The following SESN3 variants were observed in gnomAD, a reference collection of about 807,000 sequenced individuals.
The protein encoded by SESN3 is sestrin-3.
Under a neutral mutation model 55.3 loss-of-function variants are expected in SESN3, and 21 were observed. The observed-to-expected ratio is 0.38, with a 90% CI of 0.27 to 0.55. The LOEUF (loss-of-function observed/expected upper bound fraction) is 0.55, where lower values mean the gene tolerates loss of function less well. Ranked by LOEUF, SESN3 falls within the 20% of genes least tolerant of loss-of-function variation. The pLI is 0.76. For missense variants in SESN3, 408 were observed against 604.3 expected (o/e 0.68, Z 3.41); for synonymous variants, 181 against 203.1 (o/e 0.89, Z 0.93).
chr11:95,187,725 T>G (rs544765455), intron 4 of SESN3, among the ~76,000 whole-genome samples: 157 of 152,008 alleles, frequency 1.0e-3, no homozygotes, highest in African/African-American at 3.4e-3. Context: ...ATTCATTCCT[T>G]CAACCTGACC....
chr11:95,222,367 A>G (rs1305853965), intron 1 of SESN3, among the ~76,000 whole-genome samples: 2 of 152,250 alleles, frequency 1.3e-5, no homozygotes, highest in African/African-American at 4.8e-5. Context: ...TCCAGGCACA[A>G]ATGCATTATA....
At chr11:95,232,058 C>T (rs1443126935), upstream of SESN3, 1 of 152,276 alleles carries the variant, frequency 6.6e-6, no homozygotes, top group Non-Finnish European at 1.5e-5. Context: ...AAAGACCTTC[C>T]TGAGGCAGCT....
chr11:95,213,873 A>G (rs1416980249), intron 1 of SESN3, among the ~76,000 whole-genome samples: 2 of 152,164 alleles, frequency 1.3e-5, no homozygotes, highest in African/African-American at 4.8e-5. Flanking sequence ...TCATTCATTA[A>G]TTCAGAGAAG....
chr11:95,174,290 G>A (rs563862795), intron 9 of SESN3, among the ~76,000 whole-genome samples: 9 of 152,180 alleles, frequency 5.9e-5, no homozygotes, highest in Non-Finnish European at 1.3e-4. Flanking sequence ...GAACTTAAAG[G>A]TTAAAAGTCC....
At chr11:95,195,984 T>C (rs964790766) in intron 1 of SESN3, among the ~76,000 whole-genome samples, 1 of 152,164 alleles carries the variant, frequency 6.6e-6, no homozygotes, top group Non-Finnish European at 1.5e-5. Flanking sequence ...CAGATCTGTG[T>C]TTTTAATAGT....
At chr11:95,175,416 T>G (rs1859937343) in intron 9 of SESN3, 82 bp downstream of exon 9, 1 of 1,205,702 alleles carries the variant, frequency 8.3e-7, no homozygotes, top group Non-Finnish European at 1.2e-6. Context: ...TTATTAATAC[T>G]TTCATGTGTC....
At chr11:95,226,700 C>T (rs1380826415) in intron 1 of SESN3, among the ~76,000 whole-genome samples, 1 of 152,022 alleles carries the variant, frequency 6.6e-6, no homozygotes, top group Non-Finnish European at 1.5e-5. Context: ...AATATCTGTA[C>T]AAAGATAGCA....
At chr11:95,202,140 TTA>T (rs2134245697) in intron 1 of SESN3, among the ~76,000 whole-genome samples, 1 of 152,182 alleles carries the variant, frequency 6.6e-6, no homozygotes, top group South Asian at 2.1e-4. Context: ...ACATATATCA[TTA>T]TCTTATTGCT....
At chr11:95,220,441 A>AG (rs1860837968) in intron 1 of SESN3, among the ~76,000 whole-genome samples, 1 of 152,130 alleles carries the variant, frequency 6.6e-6, no homozygotes, top group Non-Finnish European at 1.5e-5. Context: ...CTGGTAAGTT[A>AG]GGAAAAAAAA....
chr11:95,182,794 T>C (rs1470690913), intron 6 of SESN3, among the ~76,000 whole-genome samples: 1 of 152,156 alleles, frequency 6.6e-6, no homozygotes, highest in Non-Finnish European at 1.5e-5. Context: ...ATGATGTACG[T>C]CCTAACAACA....
rs941337953 is a variant in SESN3 at position 95,167,474 on chromosome 11, C to A, written c.*5781G>T. The A allele has an allele frequency of 3.4e-5, 5 of 149,216 alleles. No individual in the cohort carries two copies. Among genetic ancestry groups the A allele is most frequent in the African/African-American group, 1.3e-4 (5 of 38,700 alleles). The allele number at this position is 149,216 out of a possible 1,614,324, so 9.2% of individuals were successfully genotyped here. A position where few individuals can be genotyped will look rare whatever the true frequency, so the allele number is the denominator to read the frequency against. ...ATCAGATATTCATTCTGTTTCCCCC[C>A]CATATATATAATTTTTCATTCTGTA... On this transcript the variant is annotated 3_prime_UTR_variant, in exon 10 of 10. Transcript: ENST00000536441.
chr11:95,175,021 AAGGCACATCCATTTCGAGATTCTTTAACC>A (rs1214874989), intron 9 of SESN3, among the ~76,000 whole-genome samples: 1 of 152,148 alleles, frequency 6.6e-6, no homozygotes, highest in East Asian at 1.9e-4. Flanking sequence ...TTTGGCCCAG[AAGGCACATCCATTTCGAGATTCTTTAACC>A]ACTAAAGTTA....
intron 6 of SESN3, among the ~76,000 whole-genome samples, chr11:95,179,752 A>G (rs952953254): frequency 3.9e-5 from 6 of 152,168 alleles, no homozygotes; most frequent in African/African-American, 1.4e-4. Context: ...TATGCCTAAG[A>G]TATGTGCACT....
chr11:95,230,629 C>T lies in SESN3; in HGVS notation c.78+154G>A, dbSNP rs539989833. 1.8e-5 allele frequency: 11 copies of T among 596,286 alleles called. No individual in the cohort carries two copies. The African/African-American group carries it at 2.2e-4, about 12-fold the overall frequency. 36.9% of individuals were successfully genotyped at this position (596,286 alleles called of 1,614,324 possible). On this transcript the variant is annotated intron_variant, in intron 1 of 9. Transcript: ENST00000536441. The surrounding 1 kb of genome is among the most constrained non-coding windows in gnomAD (Gnocchi z 4.6). Reference sequence around the variant, plus strand: ...AGCCGCAGTAGTCCAAACCCTCCTGCCCTCAACCCACGCCCCCTTTCTCAG... The same window carrying T: ...AGCCGCAGTAGTCCAAACCCTCCTGTCCTCAACCCACGCCCCCTTTCTCAG...
chr11:95,172,379 T>C lies in SESN3; in HGVS notation c.*876A>G, dbSNP rs1859867887. 6.6e-6 allele frequency: 1 copy of C among 152,184 alleles called. No individual in the cohort carries two copies. The highest frequency in any genetic ancestry group is 1.5e-5 in the Non-Finnish European group (1 of 68,004). The allele number at this position is 152,184 out of a possible 1,614,324, so 9.4% of individuals were successfully genotyped here. On this transcript the variant is annotated 3_prime_UTR_variant, in exon 10 of 10. Coordinates refer to ENST00000536441, the MANE Select transcript of SESN3 (RefSeq NM_144665.4). Reference sequence around the variant, plus strand: ...CAAAGAAAATTTTTGGTCAGTCTTGTGTGGGTACAGGTTTATATGTGCCAA... The same window carrying C: ...CAAAGAAAATTTTTGGTCAGTCTTGCGTGGGTACAGGTTTATATGTGCCAA...
chr11:95,173,597 G>A (rs1859896277), intron 9 of SESN3, among the ~76,000 whole-genome samples: 1 of 151,586 alleles, frequency 6.6e-6, no homozygotes, highest in Admixed American at 6.6e-5. Context: ...CAATCTGTTG[G>A]GTTATAAAAT....
At chr11:95,200,470 T>C (rs1860441444) in intron 1 of SESN3, among the ~76,000 whole-genome samples, 2 of 151,942 alleles carry the variant, frequency 1.3e-5, no homozygotes, top group African/African-American at 4.8e-5. Context: ...AAGCAGAAAA[T>C]GGCAATGGCA....
At chr11:95,214,628 T>C (rs913845166) in intron 1 of SESN3, among the ~76,000 whole-genome samples, 1 of 152,018 alleles carries the variant, frequency 6.6e-6, no homozygotes, top group Non-Finnish European at 1.5e-5. Flanking sequence ...TATATATATG[T>C]ATTTAATATT....
chr11:95,220,119 G>C (rs1342802117), intron 1 of SESN3, among the ~76,000 whole-genome samples: 6 of 152,164 alleles, frequency 3.9e-5, no homozygotes, highest in Non-Finnish European at 8.8e-5. Context: ...AGGGGATGTA[G>C]GTAGGGGAAT....
Sources: allele counts gnomAD v4.1 joint callset (sites outside exome capture counted in the v4.1 genomes callset), GRCh38; gene constraint gnomAD v4.1.1; non-coding constraint Gnocchi (gnomAD v3.1); transcripts MANE v1.5; gene names NCBI Gene and HGNC (gene_info 2026-07-23, HGNC 2026-07-21).